The following SBK1 variants were observed in gnomAD, a reference collection of about 807,000 sequenced individuals.
SBK1 encodes SH3 domain binding kinase 1.
SBK1 carries 11 observed loss-of-function variants against 24.4 expected under a neutral mutation model. The observed-to-expected ratio is 0.45, with a 90% CI of 0.28 to 0.75. The LOEUF (loss-of-function observed/expected upper bound fraction) is 0.75. SBK1 is among the 30% of genes least tolerant of loss of function. The pLI is 0.12. For missense variants in SBK1, 467 were observed against 620.5 expected (o/e 0.75, Z 2.63); for synonymous variants, 308 against 284.4 (o/e 1.08, Z -0.83).
chr16:28,265,030 G>A (rs577960544), intron 1 of SBK1, among the ~76,000 whole-genome samples: 2 of 152,096 alleles, frequency 1.3e-5, no homozygotes, highest in East Asian at 3.9e-4. Flanking sequence ...CCAGCACTTT[G>A]GGAGGCCGAG....
Position 28,259,402 on chromosome 16 carries a change from T to C in SBK1, c.157T>C (p.Trp53Arg). 3.1e-6 allele frequency: 3 copies of C among 983,136 alleles called. No individual in the cohort carries two copies. Among genetic ancestry groups the C allele is most frequent in the South Asian group, 9.4e-5 (2 of 21,264 alleles). 60.9% of individuals were successfully genotyped at this position (983,136 alleles called of 1,614,324 possible). A position where few individuals can be genotyped will look rare whatever the true frequency, so the allele number is the denominator to read the frequency against. The change falls in exon 1 of 4, where the codon TGG becomes CGG. Residue 53 changes from tryptophan (W) to arginine (R), a missense_variant. Coordinates refer to the SBK1 transcript ENST00000671413. This position sits in a 1 kb window ranked among gnomAD's most constrained non-coding sequence, Gnocchi z 6.0. ...CCCTGTCCTGGAGCTGCCTCCGGCC[T>C]GGCCCATGGGCTGCGGAGTCGATGA...
Position 28,321,053 on chromosome 16 carries a change from C to T in SBK1, c.*132C>T, listed in dbSNP as rs2044841078. The T allele has an allele frequency of 4.6e-6, 4 of 861,328 alleles. No individual in the cohort carries two copies. The South Asian group carries it at 1.0e-4, about 21-fold the overall frequency. 53.4% of individuals were successfully genotyped at this position (861,328 alleles called of 1,614,324 possible). The stretch of plus-strand genomic sequence containing the variant: ...AGCGGTAGACTAGGCAGGACGCGGC[C>T]CGGCACCTGGTCCGTCCCCGGCGGG... On this transcript the variant is annotated 3_prime_UTR_variant, in exon 4 of 4. Coordinates refer to ENST00000341901, the MANE Select transcript of SBK1 (RefSeq NM_001024401.3).
chr16:28,284,923 T>C (rs895182041), intron 1 of SBK1: 2 of 152,220 alleles, frequency 1.3e-5, no homozygotes, highest in Non-Finnish European at 2.9e-5. Flanking sequence ...ATAGAAACAG[T>C]GTCAACATTT....
intron 1 of SBK1, among the ~76,000 whole-genome samples, chr16:28,276,889 C>T (rs1029625581): frequency 2.6e-5 from 4 of 152,104 alleles, no homozygotes; most frequent in South Asian, 2.1e-4. Flanking sequence ...TGGTCTTGAT[C>T]TCCTGACCTC....
At chr16:28,312,926 G>A (rs2044763827) in intron 1 of SBK1, among the ~76,000 whole-genome samples, 1 of 152,214 alleles carries the variant, frequency 6.6e-6, no homozygotes, top group Non-Finnish European at 1.5e-5. Context: ...CTGAGGTCGG[G>A]AGTTCGAGAC....
intron 1 of SBK1, among the ~76,000 whole-genome samples, chr16:28,313,228 G>A (rs1210405008): frequency 6.6e-6 from 1 of 152,086 alleles, no homozygotes; most frequent in African/African-American, 2.4e-5. Context: ...CCAGGAGCTG[G>A]AGGCTTCAGT....
intron 1 of SBK1, among the ~76,000 whole-genome samples, chr16:28,282,344 C>T (rs559637145): frequency 9.2e-4 from 140 of 152,140 alleles, no homozygotes; most frequent in Admixed American, 8.5e-3. Context: ...AGTGGGCATT[C>T]GCACGGAGGG....
chr16:28,309,084 G>A (rs900614674), intron 1 of SBK1, among the ~76,000 whole-genome samples: 1 of 152,056 alleles, frequency 6.6e-6, no homozygotes, highest in South Asian at 2.1e-4. Context: ...CAATGCAGAC[G>A]GGCAATCCTC....
At chr16:28,278,100 G>A (rs4480810) in intron 1 of SBK1, among the ~76,000 whole-genome samples, 2,204 of 152,378 alleles carry the variant, frequency 0.014, 28 homozygotes, top group Non-Finnish European at 0.025. Flanking sequence ...CCGAGGCCAC[G>A]CAGGCAGAGC....
intron 1 of SBK1, among the ~76,000 whole-genome samples, chr16:28,280,149 A>ATGTGTGTGTGTGTGTGTGTGTGTGTGTG (rs71380914): frequency 2.5e-5 from 1 of 39,416 alleles, no homozygotes; most frequent in Non-Finnish European, 5.4e-5. Context: ...ATATATATAT[A>ATGTGTGTGTGTGTGTGTGTGTGTGTGTG]TGTGTGTGTG....
chr16:28,283,279 A>G (rs1226512066), intron 1 of SBK1, among the ~76,000 whole-genome samples: 1 of 152,178 alleles, frequency 6.6e-6, no homozygotes, highest in Non-Finnish European at 1.5e-5. Context: ...TGTATGTGAC[A>G]GAGACCAAAG....
chr16:28,297,058 G>A (rs569217018), intron 1 of SBK1, among the ~76,000 whole-genome samples: 2 of 152,164 alleles, frequency 1.3e-5, no homozygotes, highest in Admixed American at 6.5e-5. Flanking sequence ...GGTCAGGTGC[G>A]GTGGCTCACA....
At chr16:28,308,151 C>G (rs889404737) in intron 1 of SBK1, among the ~76,000 whole-genome samples, 1 of 152,116 alleles carries the variant, frequency 6.6e-6, no homozygotes, top group Non-Finnish European at 1.5e-5. Flanking sequence ...CAAATCTAAT[C>G]TCTCTGGTTT....
chr16:28,258,699 G>A (rs1028897720), upstream of SBK1: 1 of 152,832 alleles, frequency 6.5e-6, no homozygotes, highest in Non-Finnish European at 1.5e-5. Context: ...CACTGGAGCT[G>A]GGGAGAGCAG....
At chr16:28,308,213 C>T (rs1208485287) in intron 1 of SBK1, among the ~76,000 whole-genome samples, 1 of 152,130 alleles carries the variant, frequency 6.6e-6, no homozygotes, top group African/African-American at 2.4e-5. Context: ...TGCAATGGCA[C>T]AATCTCAGCT....
intron 1 of SBK1, among the ~76,000 whole-genome samples, chr16:28,298,308 C>T (rs539674952): frequency 3.9e-5 from 6 of 152,330 alleles, no homozygotes; most frequent in African/African-American, 9.6e-5. Context: ...GAGGAAGCAG[C>T]GGAACATCTC....
At chr16:28,293,991 A>G (rs2044621194) in intron 1 of SBK1, among the ~76,000 whole-genome samples, 1 of 152,144 alleles carries the variant, frequency 6.6e-6, no homozygotes, top group African/African-American at 2.4e-5. Context: ...AAGCTATTTC[A>G]GGTCAGGGCA....
intron 1 of SBK1, among the ~76,000 whole-genome samples, chr16:28,294,796 G>T (rs992444451): frequency 6.6e-6 from 1 of 152,260 alleles, no homozygotes; most frequent in African/African-American, 2.4e-5. Flanking sequence ...TGGAGACGAG[G>T]GTAGGGGGCA....
chr16:28,298,113 G>A lies in SBK1; in HGVS notation c.-8+4813G>A, dbSNP rs149688069. On this transcript the variant is annotated intron_variant, in intron 1 of 3. Coordinates refer to ENST00000341901, the MANE Select transcript of SBK1 (RefSeq NM_001024401.3). ...TATTCCCCAAACCACCCCTCCCCTG[G>A]CTCGCCTCCTGCTCCCCCTTTCAGG... Among the ~76,000 whole-genome samples, 682 of 152,254 alleles carry A rather than the reference G, an allele frequency of 4.5e-3. 5 individuals carry two copies. Among genetic ancestry groups the A allele is most frequent in the Non-Finnish European group, 7.4e-3 (504 of 68,020 alleles).
Sources: gnomAD v4.1 joint callset for allele counts (sites outside exome capture counted in the v4.1 genomes callset) on GRCh38, gnomAD v4.1.1 for gene constraint, Gnocchi (gnomAD v3.1) non-coding constraint, MANE v1.5 for transcripts, NCBI Gene and HGNC (gene_info 2026-07-23, HGNC 2026-07-21) for gene names.